The following ETFBKMT variants were observed in gnomAD, a reference collection of about 807,000 sequenced individuals.
The protein encoded by ETFBKMT is electron transfer flavoprotein subunit beta lysine methyltransferase.
ETFBKMT carries 13 observed loss-of-function variants against 18.3 expected under a neutral mutation model. The ratio of observed to expected loss-of-function variants is 0.71; its 90% CI spans 0.46 to 1.13. ETFBKMT has a LOEUF of 1.13. Ranked by LOEUF, ETFBKMT falls within the 50% of genes most tolerant of loss-of-function variation. The pLI is 0.00. For missense variants in ETFBKMT, 293 were observed against 306.2 expected (o/e 0.96, Z 0.32); for synonymous variants, 84 against 107.9 (o/e 0.78, Z 1.37).
intron 2 of ETFBKMT, among the ~76,000 whole-genome samples, chr12:31,665,072 G>A (rs1309303667): frequency 6.6e-6 from 1 of 151,240 alleles, no homozygotes; most frequent in Non-Finnish European, 1.5e-5. Context: ...GAGTAGCTGG[G>A]ATTGCAGGTG....
chr12:31,660,011 A>G (rs1951101127), intron 1 of ETFBKMT: 1 of 105,048 alleles, frequency 9.5e-6, no homozygotes, highest in African/African-American at 3.6e-5. Context: ...AAAAAAAAAT[A>G]CAAAAATTAG....
At chr12:31,653,116 G>A (rs868144351) in intron 1 of ETFBKMT, among the ~76,000 whole-genome samples, 11 of 151,746 alleles carry the variant, frequency 7.2e-5, no homozygotes, top group African/African-American at 2.7e-4. Context: ...GCCTGAGGCA[G>A]GAGAATCGCT....
intron 1 of ETFBKMT, among the ~76,000 whole-genome samples, chr12:31,652,477 G>T (rs1951026421): frequency 6.6e-6 from 1 of 152,124 alleles, no homozygotes; most frequent in Non-Finnish European, 1.5e-5. Flanking sequence ...TTGTCCAAAA[G>T]GTATAAAAGC....
intron 3 of ETFBKMT, among the ~76,000 whole-genome samples, chr12:31,666,939 G>A (rs761381295): frequency 2.0e-5 from 3 of 151,296 alleles, no homozygotes; most frequent in Non-Finnish European, 2.9e-5. Flanking sequence ...TTACAGGCAT[G>A]AGCCACCGCG....
At chr12:31,662,299 C>A in intron 2 of ETFBKMT, 32 bp downstream of exon 2, 1 of 1,595,706 alleles carries the variant, frequency 6.3e-7, no homozygotes, top group Non-Finnish European at 8.6e-7. Flanking sequence ...TAAGGCGCTA[C>A]AGATCTTTGC....
At chr12:31,666,989 C>CT (rs1415931122) in intron 3 of ETFBKMT, among the ~76,000 whole-genome samples, 2 of 139,570 alleles carry the variant, frequency 1.4e-5, no homozygotes, top group South Asian at 2.3e-4. Context: ...AGTCTCAGTT[C>CT]TTTTTTTTTC....
chr12:31,668,072 G>T lies in ETFBKMT; in HGVS notation c.*82G>T. 9.5e-7 allele frequency: 1 copy of T among 1,050,084 alleles called. No individual in the cohort carries two copies. The highest frequency in any genetic ancestry group is 1.4e-6 in the Non-Finnish European group (1 of 724,912). The allele number at this position is 1,050,084 out of a possible 1,614,324, so 65.0% of individuals were successfully genotyped here. A position where few individuals can be genotyped will look rare whatever the true frequency, so the allele number is the denominator to read the frequency against. ...TTTTCTCTATAGGAGATACTCTCCA[G>T]TTTAATGAATGTAATTCTTGTTAAA... On this transcript the variant is annotated 3_prime_UTR_variant, in exon 4 of 4. Transcript: ENST00000357721.
intron 2 of ETFBKMT, among the ~76,000 whole-genome samples, chr12:31,665,236 TACA>T (rs1951179369): frequency 6.6e-6 from 1 of 152,178 alleles, no homozygotes; most frequent in African/African-American, 2.4e-5. Flanking sequence ...GTGCCCAGCC[TACA>T]ACTTTTTTTT....
At chr12:31,662,466 G>A (rs779563386) in intron 2 of ETFBKMT, among the ~76,000 whole-genome samples, 199 bp downstream of exon 2, 1 of 151,660 alleles carries the variant, frequency 6.6e-6, no homozygotes, top group Non-Finnish European at 1.5e-5. Flanking sequence ...AACAGAAACC[G>A]GCAAAACTCA....
intron 2 of ETFBKMT, among the ~76,000 whole-genome samples, chr12:31,665,221 C>G (rs1299948236): frequency 6.6e-6 from 1 of 152,222 alleles, no homozygotes; most frequent in Non-Finnish European, 1.5e-5. Flanking sequence ...CAGGCAGGAG[C>G]CACTGTGCCC....
In ETFBKMT at chr12:31,662,061, G is replaced by A. The variant is rs775207326; in HGVS notation, c.108G>A (p.Trp36Ter). ...TGTTTCCCTGTGGCCAGTGTCCCTGGAGAGGAGCTGGAAGCTTTTTGGACC... is the reference window on the plus strand; with the variant it reads ...TGTTTCCCTGTGGCCAGTGTCCCTGAAGAGGAGCTGGAAGCTTTTTGGACC... ...LLLFPCGQCP[W>*]RGAGSFLDPE... Residue 36 changes from tryptophan to a stop codon, truncating the protein, a stop_gained, in exon 2 of 4, where the codon TGG (tryptophan) becomes TGA (stop). Transcript: ENST00000357721. LOFTEE classifies it high-confidence loss of function. 6.2e-7 allele frequency: 1 copy of A among 1,614,124 alleles called. No individual in the cohort carries two copies. Among genetic ancestry groups the A allele is most frequent in the Non-Finnish European group, 8.5e-7 (1 of 1,180,046 alleles).
rs139687666 is a variant in ETFBKMT, at chr12:31,666,948, C to T, written c.446-699C>T. ...CTAGGATTACAGGCATGAGCCACCG[C>T]GCCTGGCTGAAAACCTTTATTTTAT... is the stretch of plus-strand genomic sequence containing the variant. On this transcript the variant is annotated intron_variant, in intron 3 of 3. Transcript: ENST00000357721. Among the ~76,000 whole-genome samples the T allele has an allele frequency of 3.0e-3, 456 of 151,638 alleles. 5 individuals carry two copies. Among genetic ancestry groups the T allele is most frequent in the African/African-American group, 0.01 (425 of 41,344 alleles).
At chr12:31,660,985 T>C (rs759674774) in intron 1 of ETFBKMT, 2 of 152,174 alleles carry the variant, frequency 1.3e-5, no homozygotes, top group Non-Finnish European at 2.9e-5. Context: ...ACTTTAAAGG[T>C]ACAGTTGGCC....
intron 1 of ETFBKMT, among the ~76,000 whole-genome samples, chr12:31,648,519 G>A (rs1006880460): frequency 6.9e-6 from 1 of 144,220 alleles, no homozygotes; most frequent in Non-Finnish European, 1.5e-5. Context: ...GGACCACCAT[G>A]CCCAGCTAAT....
rs1412088685 is a variant in ETFBKMT, at chr12:31,672,702, C to G, written c.*4712C>G. 5.3e-6 allele frequency: 1 copy of G among 189,792 alleles called. No homozygotes were observed. The highest frequency in any genetic ancestry group is 1.1e-5 in the Non-Finnish European group (1 of 92,438). The allele number at this position is 189,792 out of a possible 1,614,324, so 11.8% of individuals were successfully genotyped here. On this transcript the variant is annotated 3_prime_UTR_variant, in exon 4 of 4. Coordinates refer to ENST00000357721, the MANE Select transcript of ETFBKMT (RefSeq NM_001135863.2). The stretch of plus-strand genomic sequence containing the variant: ...ATTAACCTGTGTTAATGGTTAATAA[C>G]TTTTTTCAGGATCTTAGCCGGAAAT...
intron 1 of ETFBKMT, among the ~76,000 whole-genome samples, chr12:31,661,500 A>C (rs1951123038): frequency 6.6e-6 from 1 of 150,444 alleles, no homozygotes; most frequent in Non-Finnish European, 1.5e-5. Flanking sequence ...TATGAGACGG[A>C]GTTTTGCTCT....
intron 1 of ETFBKMT, among the ~76,000 whole-genome samples, chr12:31,650,230 A>G (rs1290608118): frequency 2.0e-5 from 3 of 151,966 alleles, no homozygotes; most frequent in Non-Finnish European, 4.4e-5. Flanking sequence ...GAAGCCAACC[A>G]AAACCCACCA....
chr12:31,658,765 A>T (rs1304424242), upstream of ETFBKMT, among the ~76,000 whole-genome samples: 1 of 152,064 alleles, frequency 6.6e-6, no homozygotes, highest in African/African-American at 2.4e-5. Flanking sequence ...GGCCAGTGGG[A>T]TGTGGGTCCA....
In ETFBKMT at chr12:31,669,560, A is replaced by C. The variant is rs1413625606; in HGVS notation, c.*1570A>C. On this transcript the variant is annotated 3_prime_UTR_variant, in exon 4 of 4. Coordinates refer to ENST00000357721, the MANE Select transcript of ETFBKMT (RefSeq NM_001135863.2). ...CAAAATGGTTACTTTCCCTATCCTC[A>C]TACCAGAAGAGGGGATTTTTCTCTG... 15 of 152,224 alleles carry C rather than the reference A, an allele frequency of 9.9e-5. 1 individual carries two copies. Among genetic ancestry groups the C allele is most frequent in the Admixed American group, 9.8e-4 (15 of 15,282 alleles). The allele number at this position is 152,224 out of a possible 1,614,324, so 9.4% of individuals were successfully genotyped here. A position where few individuals can be genotyped will look rare whatever the true frequency, so the allele number is the denominator to read the frequency against.
Sources: allele counts gnomAD v4.1 joint callset (sites outside exome capture counted in the v4.1 genomes callset), GRCh38; gene constraint gnomAD v4.1.1; transcripts MANE v1.5; gene names NCBI Gene and HGNC (gene_info 2026-07-23, HGNC 2026-07-21).